Variants in EDEM3 observed in about 807,000 individuals in gnomAD.
EDEM3 encodes ER degradation-enhancing alpha-mannosidase-like protein 3.
A neutral mutation model predicts 110.2 loss-of-function variants in EDEM3; 60 were observed. The ratio of observed to expected loss-of-function variants is 0.54; its 90% CI spans 0.44 to 0.67. The LOEUF (loss-of-function observed/expected upper bound fraction) is 0.67. Ranked by LOEUF, EDEM3 falls within the 30% of genes least tolerant of loss-of-function variation. EDEM3 has a pLI of 0.00. For synonymous variants in EDEM3, 352 were observed against 382.9 expected, an observed-to-expected ratio of 0.92 and a Z score of 0.94; for missense variants, 996 against 1,121.0, an observed-to-expected ratio of 0.89 and a Z score of 1.59.
At position 184,698,938 on chromosome 1, in the gene EDEM3, T is replaced by C. The variant is rs1027821715; in HGVS notation, c.2389+3873A>G. On this transcript the variant is annotated intron_variant, in intron 19 of 19. Transcript: ENST00000318130. ...TGGCAGTTAGAGAACTACAAAAAGA[T>C]AGAAGAGTTAAAGTCTGCCACATTG... Among the ~76,000 whole-genome samples the C allele has an allele frequency of 3.3e-5, 5 of 151,746 alleles. No homozygotes were observed. The Admixed American group carries it at 3.3e-4, about 10-fold the overall frequency.
At chr1:184,701,484 G>A in intron 19 of EDEM3, 1 of 1,267,556 alleles carries the variant, frequency 7.9e-7, no homozygotes, top group South Asian at 1.3e-5. Flanking sequence ...GCTTGTTAAT[G>A]CAAGATACTT....
In EDEM3 at chr1:184,719,160, A is replaced by C; in HGVS notation, c.1161+2T>G. 6.5e-7 allele frequency: 1 copy of C among 1,544,654 alleles called. No homozygotes were observed. Among genetic ancestry groups the C allele is most frequent in the Non-Finnish European group, 8.7e-7 (1 of 1,145,712 alleles). ...AGATTATTCCAAAAATTATTTGCTTACCTCTGGTAGAAAATTGTGTTTTTT... is the reference window on the plus strand; with the variant it reads ...AGATTATTCCAAAAATTATTTGCTTCCCTCTGGTAGAAAATTGTGTTTTTT... On this transcript the variant is annotated splice_donor_variant, in intron 11 of 19. Coordinates refer to ENST00000318130, the MANE Select transcript of EDEM3 (RefSeq NM_025191.4). LOFTEE classifies it high-confidence loss of function.
chr1:184,751,566 T>C (rs1473494057), intron 1 of EDEM3, among the ~76,000 whole-genome samples: 1 of 152,210 alleles, frequency 6.6e-6, no homozygotes, highest in Non-Finnish European at 1.5e-5. Context: ...AGCTATTTAA[T>C]ATCATTGCTC....
chr1:184,754,305 G>A (rs776753137), intron 1 of EDEM3, among the ~76,000 whole-genome samples, 184 bp downstream of exon 1: 30 of 151,532 alleles, frequency 2.0e-4, no homozygotes, highest in Non-Finnish European at 2.2e-4. Flanking sequence ...GCTCCCCCGA[G>A]GTCAGGTCGC....
intron 2 of EDEM3, among the ~76,000 whole-genome samples, chr1:184,746,805 G>GT (rs1652453482): frequency 6.6e-6 from 1 of 152,124 alleles, no homozygotes; most frequent in Non-Finnish European, 1.5e-5. Context: ...CTGGAGAGTA[G>GT]TATTAGAAAG....
intron 17 of EDEM3, among the ~76,000 whole-genome samples, chr1:184,707,926 A>C (rs1025785549): frequency 3.9e-5 from 6 of 152,210 alleles, no homozygotes; most frequent in African/African-American, 1.4e-4. Context: ...CAAGAAATTG[A>C]ATAGAACCTG....
chr1:184,695,401 A>G (rs1383433805), intron 19 of EDEM3, among the ~76,000 whole-genome samples: 1 of 152,000 alleles, frequency 6.6e-6, no homozygotes, highest in African/African-American at 2.4e-5. Flanking sequence ...AGAAAACTCA[A>G]CTGTGACACG....
intron 7 of EDEM3, among the ~76,000 whole-genome samples, chr1:184,725,221 C>A (rs1244819835): frequency 6.6e-6 from 1 of 151,882 alleles, no homozygotes; most frequent in Admixed American, 6.6e-5. Flanking sequence ...TTAATAAACA[C>A]AAAATAGCCC....
At chr1:184,726,225 C>T in intron 7 of EDEM3, 30 bp downstream of exon 7, 1 of 1,607,598 alleles carries the variant, frequency 6.2e-7, no homozygotes, top group African/African-American at 1.3e-5. Flanking sequence ...TGCCCAATAC[C>T]CAGGATATCA....
chr1:184,704,000 G>T (rs1649773346), intron 18 of EDEM3, among the ~76,000 whole-genome samples: 1 of 152,172 alleles, frequency 6.6e-6, no homozygotes, highest in Non-Finnish European at 1.5e-5. Context: ...GGGAAGAAAA[G>T]TTCAGAAGGA....
intron 2 of EDEM3, among the ~76,000 whole-genome samples, chr1:184,744,252 ATATATATAT>A (rs1652298599): frequency 5.6e-5 from 1 of 17,756 alleles, no homozygotes; most frequent in Non-Finnish European, 1.0e-4. Flanking sequence ...AATGACAAAT[ATATATATAT>A]ATATATATAT....
At position 184,734,648 on chromosome 1, in the gene EDEM3, G is replaced by A. The variant is rs1448241898; in HGVS notation, c.346-5C>T. 8.1e-7 allele frequency: 1 copy of A among 1,239,854 alleles called. No individual in the cohort carries two copies. Among genetic ancestry groups the A allele is most frequent in the Non-Finnish European group, 1.1e-6 (1 of 883,686 alleles). The allele number at this position is 1,239,854 out of a possible 1,614,324, so 76.8% of individuals were successfully genotyped here. ...TTCTTTAGTTTTATTTAAAACCTGG[G>A]AGAAGAAAATTATGAAATAAAGTTC... On this transcript the variant is annotated splice_region_variant and splice_polypyrimidine_tract_variant and intron_variant, in intron 4 of 19. Coordinates refer to ENST00000318130, the MANE Select transcript of EDEM3 (RefSeq NM_025191.4).
chr1:184,750,518 C>CTTTTT (rs376949251), intron 1 of EDEM3, among the ~76,000 whole-genome samples: 57 of 146,432 alleles, frequency 3.9e-4, no homozygotes, highest in African/African-American at 4.5e-4. Flanking sequence ...TTAACTTTTT[C>CTTTTT]TTTTTTTTTT....
At chr1:184,724,054 G>A (rs1651058585) in intron 7 of EDEM3, among the ~76,000 whole-genome samples, 198 bp from the exon 8 acceptor site, 1 of 151,892 alleles carries the variant, frequency 6.6e-6, no homozygotes, top group African/African-American at 2.4e-5. Flanking sequence ...AATCAGTGTA[G>A]TTAGGAAAGA....
At chr1:184,722,142 C>T (rs926231804) in intron 8 of EDEM3, among the ~76,000 whole-genome samples, 4 of 152,014 alleles carry the variant, frequency 2.6e-5, no homozygotes, top group African/African-American at 7.2e-5. Flanking sequence ...CATGCTGGTA[C>T]GTTACCATGA....
chr1:184,699,675 T>TTAAATCAA (rs753657421), intron 19 of EDEM3, among the ~76,000 whole-genome samples: 64 of 151,866 alleles, frequency 4.2e-4, no homozygotes, highest in Non-Finnish European at 7.7e-4. Context: ...CCTGCCTGAC[T>TTAAATCAA]TAAATCAGAG....
At chr1:184,695,063 T>C (rs1475770643) in intron 19 of EDEM3, among the ~76,000 whole-genome samples, 2 of 152,032 alleles carry the variant, frequency 1.3e-5, no homozygotes, top group Non-Finnish European at 2.9e-5. Flanking sequence ...TTTAGGCCTA[T>C]GAATTATAAG....
chr1:184,723,203 G>A (rs1313879194), intron 8 of EDEM3, among the ~76,000 whole-genome samples: 1 of 151,792 alleles, frequency 6.6e-6, no homozygotes, highest in African/African-American at 2.4e-5. Context: ...GTACATGCCC[G>A]GCACTGTTCT....
rs949104810 is a variant in EDEM3, at chr1:184,704,852, G to A, written c.2203+1791C>T. 7.9e-5 allele frequency among the ~76,000 whole-genome samples: 12 copies of A among 151,664 alleles called. No homozygotes were observed. The East Asian group carries it at 1.2e-3, about 15-fold the overall frequency. ...GCAGGCAGAACACCTGAGGTCAGGC[G>A]TTCAAGACCAGCCTGGCCAACATGG... On this transcript the variant is annotated intron_variant, in intron 18 of 19. Coordinates refer to ENST00000318130, the MANE Select transcript of EDEM3 (RefSeq NM_025191.4).
Sources: allele counts gnomAD v4.1 joint callset (sites outside exome capture counted in the v4.1 genomes callset), GRCh38; gene constraint gnomAD v4.1.1; transcripts MANE v1.5; gene names NCBI Gene and HGNC (gene_info 2026-07-23, HGNC 2026-07-21).